Variants in GRIK4 observed in about 807,000 individuals in gnomAD.
The protein encoded by GRIK4 is glutamate receptor ionotropic, kainate 4.
In GRIK4, 40 loss-of-function variants were observed where a neutral mutation model predicts 104.9. That is an observed-to-expected ratio of 0.38 (90% confidence interval 0.30 to 0.50). The LOEUF (loss-of-function observed/expected upper bound fraction) is 0.50, where lower values mean the gene tolerates loss of function less well. Ranked by LOEUF, GRIK4 falls within the 20% of genes least tolerant of loss-of-function variation. The probability of loss-of-function intolerance (pLI) is 0.93; values close to 1 mark genes in which losing one functional copy is unlikely to be tolerated. For missense variants in GRIK4, 1,047 were observed against 1,308.1 expected (o/e 0.80, Z 3.08); for synonymous variants, 485 against 524.9 (o/e 0.92, Z 1.04).
At chr11:120,713,018 G>A (rs1192413692) in intron 3 of GRIK4, among the ~76,000 whole-genome samples, 2 of 152,178 alleles carry the variant, frequency 1.3e-5, no homozygotes, top group Non-Finnish European at 2.9e-5. Flanking sequence ...GGATGAGAGA[G>A]GCAGTGCCCA....
At chr11:120,772,515 G>C (rs775398219) in intron 3 of GRIK4, among the ~76,000 whole-genome samples, 3 of 152,172 alleles carry the variant, frequency 2.0e-5, no homozygotes, top group Non-Finnish European at 2.9e-5. Flanking sequence ...CAGTGATTAA[G>C]AGCCAGGATG....
intron 1 of GRIK4, among the ~76,000 whole-genome samples, chr11:120,605,671 T>A (rs1352062391): frequency 6.6e-6 from 1 of 152,226 alleles, no homozygotes; most frequent in African/African-American, 2.4e-5. Context: ...GGCCTTGTTT[T>A]CATCCTCAGA....
At chr11:120,813,778 C>T (rs1411690798) in intron 4 of GRIK4, among the ~76,000 whole-genome samples, 2 of 152,142 alleles carry the variant, frequency 1.3e-5, no homozygotes, top group African/African-American at 4.8e-5. Context: ...GTCCCTTAAC[C>T]TCAATTGCTA....
intron 3 of GRIK4, among the ~76,000 whole-genome samples, chr11:120,757,061 A>G (rs1409762293): frequency 6.6e-6 from 1 of 152,208 alleles, no homozygotes; most frequent in African/African-American, 2.4e-5. Flanking sequence ...TCACTGACAC[A>G]GCAGCAGCAT....
intron 3 of GRIK4, among the ~76,000 whole-genome samples, chr11:120,692,481 A>T (rs1950382422): frequency 6.6e-6 from 1 of 152,172 alleles, no homozygotes; most frequent in Non-Finnish European, 1.5e-5. Flanking sequence ...TGGCGGGGAT[A>T]GAGATTTGCA....
intron 18 of GRIK4, 129 bp downstream of exon 18, chr11:120,962,810 T>G: frequency 7.1e-6 from 4 of 566,594 alleles, no homozygotes; most frequent in Non-Finnish European, 9.2e-6. Flanking sequence ...TGACTTTACG[T>G]GGGCATTCTA....
At position 120,567,151 on chromosome 11, in the gene GRIK4, T is replaced by C. The variant is rs574620081; in HGVS notation, c.-159+55264T>C. Reference sequence around the variant, plus strand: ...CCCAGGCCATGCCATCACATCCAGCTTGTTTTTTGATGTTATTTTTTTAGA... The same window carrying C: ...CCCAGGCCATGCCATCACATCCAGCCTGTTTTTTGATGTTATTTTTTTAGA... On this transcript the variant is annotated intron_variant, in intron 1 of 20. Coordinates refer to ENST00000527524, the MANE Select transcript of GRIK4 (RefSeq NM_014619.5). Among the ~76,000 whole-genome samples the C allele has an allele frequency of 2.6e-5, 4 of 151,630 alleles. No homozygotes were observed. In the East Asian group the frequency reaches 7.8e-4, roughly 30 times the overall value.
In GRIK4 at chr11:120,517,173, G is replaced by A. The variant is rs147100021; in HGVS notation, c.-159+5286G>A. ...CATCCAAATGGGCAGGGCCTTGTCC[G>A]CTTTGTTCACTGAGCTATCCCTAGT... On this transcript the variant is annotated intron_variant, in intron 1 of 20. Coordinates refer to ENST00000527524, the MANE Select transcript of GRIK4 (RefSeq NM_014619.5). Among the ~76,000 whole-genome samples, 733 of 149,364 alleles carry A rather than the reference G, an allele frequency of 4.9e-3. 87 individuals are homozygous for A. Among genetic ancestry groups the A allele is most frequent in the African/African-American group, 0.017 (659 of 39,664 alleles).
intron 19 of GRIK4, among the ~76,000 whole-genome samples, chr11:120,978,394 A>G (rs1944596450): frequency 6.6e-6 from 1 of 152,200 alleles, no homozygotes; most frequent in African/African-American, 2.4e-5. Context: ...AAGGTTAGCC[A>G]GATGTGTGTC....
At chr11:120,975,541 T>C (rs1193990173) in intron 19 of GRIK4, among the ~76,000 whole-genome samples, 1 of 152,198 alleles carries the variant, frequency 6.6e-6, no homozygotes, top group Non-Finnish European at 1.5e-5. Flanking sequence ...TTGTTAAGAC[T>C]TCAGCTCACT....
At chr11:120,610,941 C>G (rs1054924197) in intron 1 of GRIK4, among the ~76,000 whole-genome samples, 3 of 152,128 alleles carry the variant, frequency 2.0e-5, no homozygotes, top group African/African-American at 7.2e-5. Flanking sequence ...ACATGAGAAC[C>G]ACAGAGTCTC....
chr11:120,544,650 C>T (rs540460909), intron 1 of GRIK4, among the ~76,000 whole-genome samples: 1 of 152,222 alleles, frequency 6.6e-6, no homozygotes, highest in East Asian at 1.9e-4. Context: ...CATTTCAGCA[C>T]AGCTGTTATT....
chr11:120,544,645 C>T (rs1045977901), intron 1 of GRIK4, among the ~76,000 whole-genome samples: 2 of 152,104 alleles, frequency 1.3e-5, no homozygotes, highest in African/African-American at 4.8e-5. Context: ...CTGGACATTT[C>T]AGCACAGCTG....
chr11:120,673,528 A>G (rs12360673), intron 3 of GRIK4, among the ~76,000 whole-genome samples: 19,422 of 152,218 alleles, frequency 0.13, 1,352 homozygotes, highest in South Asian at 0.23. Flanking sequence ...ATGACTCAGC[A>G]TCAACCTGAG....
rs914760111 is a variant in GRIK4, at chr11:120,513,398, C to G, written c.-159+1511C>G. Among the ~76,000 whole-genome samples the G allele has an allele frequency of 1.3e-5, 2 of 152,118 alleles. No homozygotes were observed. The highest frequency in any genetic ancestry group is 4.8e-5 in the African/African-American group (2 of 41,440). The stretch of plus-strand genomic sequence containing the variant: ...GCCTGACTCCCTGACTGTCTGTGCT[C>G]GCGTGGTCAGGGGCGAGGGGCTTGT... On this transcript the variant is annotated intron_variant, in intron 1 of 20. Coordinates refer to ENST00000527524, the MANE Select transcript of GRIK4 (RefSeq NM_014619.5). The surrounding 1 kb of genome is among the most constrained non-coding windows in gnomAD (Gnocchi z 4.5).
At chr11:120,652,027 A>T (rs1426971538) in intron 1 of GRIK4, among the ~76,000 whole-genome samples, 1 of 152,130 alleles carries the variant, frequency 6.6e-6, no homozygotes, top group Non-Finnish European at 1.5e-5. Context: ...CAGTTCCTCC[A>T]TTTCCCCGCT....
At chr11:120,767,624 G>A (rs527941396) in intron 3 of GRIK4, among the ~76,000 whole-genome samples, 15 of 152,188 alleles carry the variant, frequency 9.9e-5, no homozygotes, top group African/African-American at 3.4e-4. Context: ...TCATTGTTAA[G>A]GCCAGTGTCA....
intron 5 of GRIK4, among the ~76,000 whole-genome samples, chr11:120,816,774 G>A (rs545957395): frequency 1.4e-3 from 210 of 152,190 alleles, no homozygotes; most frequent in East Asian, 5.4e-3. Flanking sequence ...AGTCCTGGTC[G>A]CGTTGGTCCT....
rs1270515974 is a variant in GRIK4, at chr11:120,944,968, A to G, written c.1590+4508A>G. On this transcript the variant is annotated intron_variant, in intron 14 of 20. Coordinates refer to ENST00000527524, the MANE Select transcript of GRIK4 (RefSeq NM_014619.5). ...ACAAATGTATATTAATTGTTCCTTC[A>G]TAATCTATTTGCAGCCTGGGTGTTG... 2.0e-5 allele frequency among the ~76,000 whole-genome samples: 3 copies of G among 152,002 alleles called. No individual in the cohort carries two copies. The East Asian group carries it at 5.8e-4, about 29-fold the overall frequency.
Sources: gnomAD v4.1 joint callset for allele counts (sites outside exome capture counted in the v4.1 genomes callset) on GRCh38, gnomAD v4.1.1 for gene constraint, Gnocchi (gnomAD v3.1) non-coding constraint, MANE v1.5 for transcripts, NCBI Gene and HGNC (gene_info 2026-07-23, HGNC 2026-07-21) for gene names.